SORCS2: variants seen among roughly 807,000 people sequenced by gnomAD.
SORCS2 encodes the protein sortilin related VPS10 domain containing receptor 2.
In SORCS2, 100 loss-of-function variants were observed where a neutral mutation model predicts 141.6. The observed-to-expected ratio is 0.71, with a 90% CI of 0.60 to 0.83. SORCS2 has a LOEUF of 0.83. SORCS2 is among the 40% of genes least tolerant of loss of function. The pLI is 0.00. For synonymous variants in SORCS2, 789 were observed against 676.9 expected (o/e 1.17, Z -2.57); for missense variants, 1,646 against 1,560.2 (o/e 1.05, Z -0.93).
intron 2 of SORCS2, among the ~76,000 whole-genome samples, chr4:7,490,182 G>A (rs140732357): frequency 2.2e-3 from 335 of 152,252 alleles, no homozygotes; most frequent in Non-Finnish European, 4.0e-3. Flanking sequence ...CCGGCTTCTC[G>A]ATGCTCTAAG....
chr4:7,423,951 C>T (rs1726254538), intron 2 of SORCS2, among the ~76,000 whole-genome samples: 1 of 152,216 alleles, frequency 6.6e-6, no homozygotes, highest in South Asian at 2.1e-4. Context: ...AGGCACACTC[C>T]TTGCTCCTCA....
At chr4:7,242,553 C>T (rs1712775578) in intron 1 of SORCS2, among the ~76,000 whole-genome samples, 1 of 152,130 alleles carries the variant, frequency 6.6e-6, no homozygotes, top group Admixed American at 6.6e-5. Flanking sequence ...CCAAGCCCGT[C>T]TCTTCCCCTT....
At chr4:7,254,799 T>C (rs1259025077) in intron 1 of SORCS2, among the ~76,000 whole-genome samples, 1 of 152,152 alleles carries the variant, frequency 6.6e-6, no homozygotes, top group Non-Finnish European at 1.5e-5. Context: ...AGGATTCTAA[T>C]AACAGTGACT....
intron 3 of SORCS2, among the ~76,000 whole-genome samples, chr4:7,592,986 C>T (rs1717018980): frequency 6.6e-6 from 1 of 152,130 alleles, no homozygotes; most frequent in Non-Finnish European, 1.5e-5. Flanking sequence ...TATCCCAAAC[C>T]CTACTGGCTT....
At chr4:7,317,563 C>G (rs566374268) in intron 1 of SORCS2, among the ~76,000 whole-genome samples, 5 of 152,290 alleles carry the variant, frequency 3.3e-5, no homozygotes, top group African/African-American at 1.2e-4. Context: ...CGCCTCCCTC[C>G]AAGGAGCCCT....
At chr4:7,359,848 C>G (rs1721475457) in intron 1 of SORCS2, among the ~76,000 whole-genome samples, 1 of 152,174 alleles carries the variant, frequency 6.6e-6, no homozygotes, top group Non-Finnish European at 1.5e-5. Flanking sequence ...AGAGGGTGAT[C>G]TCAAGCAACT....
chr4:7,427,315 C>T (rs966998018), intron 2 of SORCS2, among the ~76,000 whole-genome samples: 2 of 152,136 alleles, frequency 1.3e-5, no homozygotes, highest in Non-Finnish European at 1.5e-5. Context: ...CGGAGCCAGA[C>T]TCTAAATGTG....
intron 1 of SORCS2, among the ~76,000 whole-genome samples, chr4:7,347,498 A>G (rs1043046706): frequency 9.9e-5 from 15 of 152,220 alleles, no homozygotes; most frequent in African/African-American, 3.1e-4. Flanking sequence ...AGGGACTCCC[A>G]TAGCTCCTTG....
intron 2 of SORCS2, among the ~76,000 whole-genome samples, chr4:7,454,082 T>A (rs1320827656): frequency 2.0e-4 from 17 of 84,132 alleles, no homozygotes; most frequent in East Asian, 4.2e-4. Flanking sequence ...TGGGGTCAGG[T>A]GCTGTGTGTT....
chr4:7,525,077 G>C (rs531740598), intron 2 of SORCS2, among the ~76,000 whole-genome samples: 1 of 152,366 alleles, frequency 6.6e-6, no homozygotes, highest in African/African-American at 2.4e-5. Context: ...CTCCAGCTTT[G>C]TTCCTTGCAA....
At chr4:7,395,501 C>A (rs1000201013) in intron 1 of SORCS2, among the ~76,000 whole-genome samples, 1 of 152,148 alleles carries the variant, frequency 6.6e-6, no homozygotes, top group Admixed American at 6.5e-5. Flanking sequence ...AAATCTTTTT[C>A]CCATCAGGGC....
chr4:7,394,594 A>AG, intron 1 of SORCS2, among the ~76,000 whole-genome samples: 1 of 142,644 alleles, frequency 7.0e-6, no homozygotes, highest in East Asian at 2.1e-4. Flanking sequence ...GTTTAGAATG[A>AG]GGGGGTGGAC....
intron 3 of SORCS2, among the ~76,000 whole-genome samples, chr4:7,588,464 C>A (rs918581824): frequency 2.0e-5 from 3 of 152,200 alleles, no homozygotes; most frequent in African/African-American, 7.2e-5. Flanking sequence ...ATCTGGGGAA[C>A]TGGCCTTTGG....
intron 1 of SORCS2, among the ~76,000 whole-genome samples, chr4:7,226,606 C>A (rs1368506682): frequency 1.3e-5 from 2 of 152,180 alleles, no homozygotes; most frequent in Non-Finnish European, 2.9e-5. Flanking sequence ...AAAACCCCGG[C>A]CCCTTCCCCC....
Position 7,654,089 on chromosome 4 carries a change from C to G in SORCS2, c.814-45C>G, listed in dbSNP as rs983824437. ...CACCCTCTCTCAGAAGCAGCTTATTCCTGACGTCCTGACCAAGCTTTTGTT... is the reference window on the plus strand; with the variant it reads ...CACCCTCTCTCAGAAGCAGCTTATTGCTGACGTCCTGACCAAGCTTTTGTT... On this transcript the variant is annotated intron_variant, in intron 4 of 26. Transcript: ENST00000507866. The G allele has an allele frequency of 4.6e-6, 7 of 1,517,886 alleles. No individual in the cohort carries two copies. The African/African-American group carries it at 8.2e-5, about 18-fold the overall frequency. The allele number at this position is 1,517,886 out of a possible 1,614,324, so 94.0% of individuals were successfully genotyped here.
chr4:7,458,434 A>G (rs1439532608), intron 2 of SORCS2, among the ~76,000 whole-genome samples: 4 of 152,036 alleles, frequency 2.6e-5, no homozygotes, highest in African/African-American at 9.7e-5. Flanking sequence ...GGGGCCCCTG[A>G]GCAAAGAAGG....
At chr4:7,547,385 C>A (rs898788022) in intron 3 of SORCS2, among the ~76,000 whole-genome samples, 1 of 152,220 alleles carries the variant, frequency 6.6e-6, no homozygotes, top group Non-Finnish European at 1.5e-5. Flanking sequence ...CATCCCCGGT[C>A]GCATACTTGG....
rs544853319 is a variant in SORCS2 at position 7,620,025 on chromosome 4, C to G, written c.649-18303C>G. The stretch of plus-strand genomic sequence containing the variant: ...TTTTTTCTCCTCCTCCTCCTTCCTC[C>G]TCCTCCTCCTTCCTCCTCCTCCTCC... On this transcript the variant is annotated intron_variant, in intron 3 of 26. Transcript: ENST00000507866. Among the ~76,000 whole-genome samples, 602 of 150,442 alleles carry G rather than the reference C, an allele frequency of 4.0e-3. 5 individuals are homozygous for G. Among genetic ancestry groups the G allele is most frequent in the African/African-American group, 0.014 (551 of 40,730 alleles).
Position 7,245,388 on chromosome 4 carries a change from C to T in SORCS2, c.480+52262C>T, listed in dbSNP as rs114791357. On this transcript the variant is annotated intron_variant, in intron 1 of 26. Transcript: ENST00000507866. Reference sequence around the variant, plus strand: ...GAGCTCCTTGCTCCTCCGGGATGCCCGTTTCAGGACTGATATGGAATTTTT... The same window carrying T: ...GAGCTCCTTGCTCCTCCGGGATGCCTGTTTCAGGACTGATATGGAATTTTT... Among the ~76,000 whole-genome samples, 875 of 152,324 alleles carry T rather than the reference C, an allele frequency of 5.7e-3. 9 individuals carry two copies. The highest frequency in any genetic ancestry group is 0.02 in the African/African-American group (834 of 41,558).
Sources: gnomAD v4.1 joint callset for allele counts (sites outside exome capture counted in the v4.1 genomes callset) on GRCh38, gnomAD v4.1.1 for gene constraint, MANE v1.5 for transcripts, NCBI Gene and HGNC (gene_info 2026-07-23, HGNC 2026-07-21) for gene names.